Variants in NKAIN3 observed in about 807,000 individuals in gnomAD.
NKAIN3 encodes the protein sodium/potassium transporting ATPase interacting 3, also known as sodium/potassium-transporting ATPase subunit beta-1-interacting protein 3.
A neutral mutation model predicts 30.2 loss-of-function variants in NKAIN3; 25 were observed. That is an observed-to-expected ratio of 0.83 (90% CI 0.60 to 1.16). The LOEUF is 1.16. NKAIN3 is among the 50% of genes most tolerant of loss of function. NKAIN3 has a pLI of 0.00. For synonymous variants in NKAIN3, 91 were observed against 89.6 expected, an observed-to-expected ratio of 1.02 and a Z score of -0.09; for missense variants, 225 against 254.1, an observed-to-expected ratio of 0.89 and a Z score of 0.78.
intron 4 of NKAIN3, among the ~76,000 whole-genome samples, chr8:62,883,359 A>C (rs1362944436): frequency 6.6e-6 from 1 of 150,972 alleles, no homozygotes; most frequent in Non-Finnish European, 1.5e-5. Flanking sequence ...AATGCCACTT[A>C]TTCATTGCTA....
intron 3 of NKAIN3, among the ~76,000 whole-genome samples, chr8:62,619,485 C>A (rs1260450708): frequency 6.6e-6 from 1 of 152,140 alleles, no homozygotes; most frequent in African/African-American, 2.4e-5. Flanking sequence ...TACCTACAAC[C>A]TGGAAGCCCC....
chr8:62,834,482 A>G (rs1819298498), intron 4 of NKAIN3, among the ~76,000 whole-genome samples: 1 of 152,116 alleles, frequency 6.6e-6, no homozygotes, highest in Admixed American at 6.6e-5. Flanking sequence ...GTAAAGTTTT[A>G]GGATACAAAA....
chr8:62,407,101 A>T (rs1399415955), intron 1 of NKAIN3, among the ~76,000 whole-genome samples: 1 of 152,118 alleles, frequency 6.6e-6, no homozygotes, highest in Admixed American at 6.5e-5. Context: ...TATTAATTTT[A>T]ATTGACTTTC....
intron 4 of NKAIN3, among the ~76,000 whole-genome samples, chr8:62,786,364 T>C (rs1279141407): frequency 6.6e-6 from 1 of 152,102 alleles, no homozygotes; most frequent in Non-Finnish European, 1.5e-5. Context: ...CATTTTTATA[T>C]ATTGCAGGGA....
At chr8:62,578,281 ATTG>A (rs1810180035) in intron 1 of NKAIN3, among the ~76,000 whole-genome samples, 1 of 152,154 alleles carries the variant, frequency 6.6e-6, no homozygotes, top group African/African-American at 2.4e-5. Flanking sequence ...TTCATCATAA[ATTG>A]TTGTGTATAT....
intron 4 of NKAIN3, chr8:62,856,141 C>T: frequency 1.4e-6 from 1 of 724,764 alleles, no homozygotes; most frequent in African/African-American, 1.7e-5. Flanking sequence ...ATCTGAGACT[C>T]CCATAGATCT....
chr8:62,604,177 G>A (rs1811056859), intron 3 of NKAIN3, among the ~76,000 whole-genome samples: 1 of 152,128 alleles, frequency 6.6e-6, no homozygotes, highest in African/African-American at 2.4e-5. Context: ...TTGTCCAGAA[G>A]ATGAGGCAGA....
chr8:62,260,329 A>G (rs1490054052), intron 1 of NKAIN3, among the ~76,000 whole-genome samples: 1 of 152,198 alleles, frequency 6.6e-6, no homozygotes, highest in African/African-American at 2.4e-5. Context: ...TGTGCTGGTA[A>G]CTAGCTGTAA....
intron 1 of NKAIN3, among the ~76,000 whole-genome samples, chr8:62,457,838 C>T (rs1175682843): frequency 6.6e-6 from 1 of 152,138 alleles, no homozygotes; most frequent in African/African-American, 2.4e-5. Context: ...CAGACATTAG[C>T]ATCTGCTTGT....
chr8:62,743,440 G>T (rs1352323727), intron 3 of NKAIN3, among the ~76,000 whole-genome samples: 1 of 152,126 alleles, frequency 6.6e-6, no homozygotes, highest in African/African-American at 2.4e-5. Flanking sequence ...ACAAAAGAGA[G>T]GTTAACAAGA....
At chr8:62,958,496 A>G (rs953658659) in intron 6 of NKAIN3, among the ~76,000 whole-genome samples, 2 of 152,136 alleles carry the variant, frequency 1.3e-5, no homozygotes, top group African/African-American at 4.8e-5. Context: ...GAAAGGAAAG[A>G]GTAAAGACTG....
At chr8:62,269,383 C>A (rs1812704899) in intron 1 of NKAIN3, among the ~76,000 whole-genome samples, 1 of 152,122 alleles carries the variant, frequency 6.6e-6, no homozygotes, top group South Asian at 2.1e-4. Flanking sequence ...CTTTCTTGAT[C>A]TTATACTTCC....
At chr8:62,856,634 G>A (rs1341032538) in intron 4 of NKAIN3, 1 of 773,952 alleles carries the variant, frequency 1.3e-6, no homozygotes, top group African/African-American at 1.7e-5. Flanking sequence ...CATCACTAAA[G>A]AGGTTGGCAC....
At chr8:62,366,547 A>G (rs1260211272) in intron 1 of NKAIN3, among the ~76,000 whole-genome samples, 1 of 152,014 alleles carries the variant, frequency 6.6e-6, no homozygotes, top group Non-Finnish European at 1.5e-5. Flanking sequence ...TTTCTGTGGT[A>G]TGTTTTAATG....
chr8:62,813,590 T>A (rs1818564355), intron 4 of NKAIN3, among the ~76,000 whole-genome samples: 1 of 151,886 alleles, frequency 6.6e-6, no homozygotes, highest in Non-Finnish European at 1.5e-5. Flanking sequence ...TTTTAATAGA[T>A]GAGGACTTCC....
chr8:62,616,624 G>A (rs988325588), intron 3 of NKAIN3, among the ~76,000 whole-genome samples: 11 of 152,068 alleles, frequency 7.2e-5, no homozygotes, highest in Middle Eastern at 3.4e-3. Flanking sequence ...TTTGTTTTTT[G>A]TTTTTTAAGC....
At chr8:62,492,199 G>C (rs952307150) in intron 1 of NKAIN3, among the ~76,000 whole-genome samples, 1 of 152,212 alleles carries the variant, frequency 6.6e-6, no homozygotes, top group South Asian at 2.1e-4. Context: ...TTTTAGTAGA[G>C]CTTAGTGATC....
At chr8:62,935,376 C>T (rs1182308898) in intron 5 of NKAIN3, among the ~76,000 whole-genome samples, 1 of 152,104 alleles carries the variant, frequency 6.6e-6, no homozygotes, top group African/African-American at 2.4e-5. Context: ...TTGTTTACTG[C>T]ATGCTTTCTG....
rs1005991407 is a variant in NKAIN3, at chr8:62,472,047, C to T, written c.55-107492C>T. Among the ~76,000 whole-genome samples, 17 of 144,274 alleles carry T rather than the reference C, an allele frequency of 1.2e-4. No homozygotes were observed. The East Asian group carries it at 3.5e-3, about 30-fold the overall frequency. The allele number at this position is 144,274 out of a possible 152,430, so 94.6% of individuals were successfully genotyped here. Reference sequence around the variant, plus strand: ...TCTGTTTAAAAAAAAAAAAAAAAGTCTTCAGCTCACTGAACTCACTGGGGT... The same window carrying T: ...TCTGTTTAAAAAAAAAAAAAAAAGTTTTCAGCTCACTGAACTCACTGGGGT... On this transcript the variant is annotated intron_variant, in intron 1 of 6. Transcript: ENST00000623646.
Sources: gnomAD v4.1 joint callset for allele counts (sites outside exome capture counted in the v4.1 genomes callset) on GRCh38, gnomAD v4.1.1 for gene constraint, MANE v1.5 for transcripts, NCBI Gene and HGNC (gene_info 2026-07-23, HGNC 2026-07-21) for gene names.